Variants in SAMD3 observed in about 807,000 individuals in gnomAD.
SAMD3 encodes sterile alpha motif domain-containing protein 3.
A neutral mutation model predicts 58.5 loss-of-function variants in SAMD3; 63 were observed. That is an observed-to-expected ratio of 1.08 (90% confidence interval 0.88 to 1.33). The LOEUF is 1.33. Ranked by LOEUF, SAMD3 falls within the 40% of genes most tolerant of loss-of-function variation. The pLI is 0.00. For synonymous variants in SAMD3, 220 were observed against 210.3 expected, an observed-to-expected ratio of 1.05 and a Z score of -0.40; for missense variants, 604 against 608.4, an observed-to-expected ratio of 0.99 and a Z score of 0.08.
chr6:130,325,170 CA>C (rs1377146507), intron 1 of SAMD3, among the ~76,000 whole-genome samples: 1 of 151,954 alleles, frequency 6.6e-6, no homozygotes, highest in Non-Finnish European at 1.5e-5. Context: ...CAGGGTTCTC[CA>C]GAGAAAAAGA....
At chr6:130,340,795 C>A (rs1777244930) in intron 1 of SAMD3, among the ~76,000 whole-genome samples, 1 of 152,132 alleles carries the variant, frequency 6.6e-6, no homozygotes, top group African/African-American at 2.4e-5. Context: ...TCACAAACAC[C>A]TTAGTGTGAG....
chr6:130,271,851 G>A (rs555618293), intron 2 of SAMD3, among the ~76,000 whole-genome samples: 3 of 152,230 alleles, frequency 2.0e-5, no homozygotes, highest in African/African-American at 7.2e-5. Context: ...GTGTGCAGGG[G>A]AACTCTCATT....
chr6:130,202,227 C>CA (rs1235084386), intron 5 of SAMD3, among the ~76,000 whole-genome samples: 6 of 152,176 alleles, frequency 3.9e-5, no homozygotes, highest in African/African-American at 1.4e-4. Flanking sequence ...ATCACCTAGT[C>CA]AAAGTTGAAA....
chr6:130,218,812 A>G (rs1796107551), intron 1 of SAMD3, among the ~76,000 whole-genome samples: 1 of 152,194 alleles, frequency 6.6e-6, no homozygotes, highest in Admixed American at 6.5e-5. Flanking sequence ...AGTAAAAAAA[A>G]CCAGAAAAAA....
chr6:130,197,607 T>A (rs1176429684), intron 5 of SAMD3, among the ~76,000 whole-genome samples: 1 of 152,094 alleles, frequency 6.6e-6, no homozygotes, highest in African/African-American at 2.4e-5. Flanking sequence ...AAATATTCCT[T>A]CTAACAACCC....
chr6:130,252,784 C>T (rs1338547548), intron 2 of SAMD3, among the ~76,000 whole-genome samples: 1 of 152,204 alleles, frequency 6.6e-6, no homozygotes, highest in Admixed American at 6.5e-5. Flanking sequence ...AGCTGTGGCA[C>T]AGGAGCAAGC....
rs1455606557 is a variant in SAMD3 at position 130,153,660 on chromosome 6, ATATATT to A, written c.1023+1159_1023+1164del. 7.0e-3 allele frequency among the ~76,000 whole-genome samples: 699 copies of A among 100,570 alleles called. 9 individuals carry two copies. The highest frequency in any genetic ancestry group is 0.021 in the African/African-American group (664 of 31,426). 66.0% of individuals were successfully genotyped at this position (100,570 alleles called of 152,430 possible). A position where few individuals can be genotyped will look rare whatever the true frequency, so the allele number is the denominator to read the frequency against. On this transcript the variant is annotated intron_variant, in intron 9 of 11. Coordinates refer to ENST00000439090, the MANE Select transcript of SAMD3 (RefSeq NM_001017373.4). ...CCCATTAAATTTCATATATATATATATATATTTATTTATTTATTTATTTTTTAAAAT... is the reference window on the plus strand; with the variant it reads ...CCCATTAAATTTCATATATATATATATATTTATTTATTTATTTTTTAAAAT...
intron 5 of SAMD3, among the ~76,000 whole-genome samples, chr6:130,204,415 TG>T (rs775594164): frequency 2.6e-5 from 4 of 152,148 alleles, no homozygotes; most frequent in Admixed American, 1.3e-4. Flanking sequence ...ATGACTAGCC[TG>T]GGCAACATGT....
At chr6:130,280,354 C>T (rs2114949150) in intron 2 of SAMD3, among the ~76,000 whole-genome samples, 2 of 152,302 alleles carry the variant, frequency 1.3e-5, no homozygotes, top group Middle Eastern at 3.4e-3. Flanking sequence ...TTACCCTTCT[C>T]ACCATTCCCA....
Position 130,298,738 on chromosome 6 carries a change from T to C in SAMD3, c.-188+14240A>G, listed in dbSNP as rs150320231. On this transcript the variant is annotated intron_variant, in intron 2 of 13. Coordinates refer to the SAMD3 transcript ENST00000368134. Reference sequence around the variant, plus strand: ...GCTTCCACCGCCTTCAAGAGACCTATCTTATGTGTAAAAACATTCATAGGC... The same window carrying C: ...GCTTCCACCGCCTTCAAGAGACCTACCTTATGTGTAAAAACATTCATAGGC... Among the ~76,000 whole-genome samples the C allele has an allele frequency of 2.1e-3, 320 of 152,182 alleles. 2 individuals carry two copies. The highest frequency in any genetic ancestry group is 7.2e-3 in the African/African-American group (299 of 41,528).
chr6:130,347,341 CA>C (rs1430941819), intron 1 of SAMD3, among the ~76,000 whole-genome samples: 1 of 152,082 alleles, frequency 6.6e-6, no homozygotes, highest in Non-Finnish European at 1.5e-5. Context: ...AAAAATTAGA[CA>C]AACGGCTAAC....
chr6:130,231,721 C>A (rs1427442386), intron 2 of SAMD3, among the ~76,000 whole-genome samples: 2 of 151,980 alleles, frequency 1.3e-5, no homozygotes, highest in Non-Finnish European at 2.9e-5. Context: ...TGCTGATCAC[C>A]TTTTTTCATA....
In SAMD3 at chr6:130,283,609, A is replaced by G. The variant is rs564295284; in HGVS notation, c.-188+29369T>C. Among the ~76,000 whole-genome samples the G allele has an allele frequency of 5.9e-5, 9 of 152,356 alleles. No individual in the cohort carries two copies. In the East Asian group the frequency reaches 1.7e-3, roughly 29 times the overall value. ...CGGTATATTGTATTGCCTTTCTTCA[A>G]ATTACTAAGAGAAAATAATTGTTAA... On this transcript the variant is annotated intron_variant, in intron 2 of 13. Transcript: ENST00000368134.
chr6:130,218,696 C>T (rs1192383310), intron 1 of SAMD3, among the ~76,000 whole-genome samples: 1 of 152,038 alleles, frequency 6.6e-6, no homozygotes, highest in Non-Finnish European at 1.5e-5. Flanking sequence ...CTGGATTTTC[C>T]CACAGTGTCC....
chr6:130,357,184 G>C (rs948163060), intron 1 of SAMD3, among the ~76,000 whole-genome samples: 1 of 145,826 alleles, frequency 6.9e-6, no homozygotes, highest in Non-Finnish European at 1.5e-5. Flanking sequence ...GAGTGCAGTG[G>C]CGTGATCTTG....
chr6:130,188,118 A>G (rs893151008), intron 5 of SAMD3, among the ~76,000 whole-genome samples: 5 of 152,348 alleles, frequency 3.3e-5, no homozygotes, highest in Non-Finnish European at 7.3e-5. Flanking sequence ...TTTCATAAAA[A>G]AGCTAACTGA....
intron 2 of SAMD3, among the ~76,000 whole-genome samples, chr6:130,274,900 A>G (rs1233403683): frequency 2.6e-5 from 4 of 151,598 alleles, no homozygotes; most frequent in African/African-American, 7.3e-5. Context: ...CTACTTTGCT[A>G]TTTTTTTCTT....
At position 130,260,818 on chromosome 6, in the gene SAMD3, C is replaced by T. The variant is rs143958435; in HGVS notation, c.-187-38005G>A. Among the ~76,000 whole-genome samples, 150 of 152,320 alleles carry T rather than the reference C, an allele frequency of 9.8e-4. 1 individual carries two copies. The highest frequency in any genetic ancestry group is 3.2e-3 in the African/African-American group (135 of 41,568). ...GTGGCAGCCCCCTGTGGAGGATCAACGCAGTGGCTGAACACCGGGAAGGAA... is the reference window on the plus strand; with the variant it reads ...GTGGCAGCCCCCTGTGGAGGATCAATGCAGTGGCTGAACACCGGGAAGGAA... On this transcript the variant is annotated intron_variant, in intron 2 of 13. Transcript: ENST00000368134.
At chr6:130,247,235 C>G (rs913579206) in intron 2 of SAMD3, among the ~76,000 whole-genome samples, 1 of 151,946 alleles carries the variant, frequency 6.6e-6, no homozygotes, top group Non-Finnish European at 1.5e-5. Flanking sequence ...TTTGAGAGGC[C>G]GAGGCGGGCG....
Sources: allele counts gnomAD v4.1 joint callset (sites outside exome capture counted in the v4.1 genomes callset), GRCh38; gene constraint gnomAD v4.1.1; transcripts MANE v1.5; gene names NCBI Gene and HGNC (gene_info 2026-07-23, HGNC 2026-07-21).